Variants in CALN1 observed in about 807,000 individuals in gnomAD.
CALN1 encodes calneuron 1.
In CALN1, 17 loss-of-function variants were observed where a neutral mutation model predicts 30.6. That is an observed-to-expected ratio of 0.56 (90% CI 0.38 to 0.83). The LOEUF (loss-of-function observed/expected upper bound fraction) is 0.83. Ranked by LOEUF, CALN1 falls within the 40% of genes least tolerant of loss-of-function variation. The probability of loss-of-function intolerance (pLI) is 0.00; values close to 1 mark genes in which losing one functional copy is unlikely to be tolerated. For synonymous variants in CALN1, 156 were observed against 131.4 expected, an observed-to-expected ratio of 1.19 and a Z score of -1.28; for missense variants, 291 against 354.9, an observed-to-expected ratio of 0.82 and a Z score of 1.45.
At chr7:72,219,240 TAA>T (rs1157807472) in intron 3 of CALN1, among the ~76,000 whole-genome samples, 1 of 152,150 alleles carries the variant, frequency 6.6e-6, no homozygotes, top group African/African-American at 2.4e-5. Context: ...TTCATTTTCT[TAA>T]GAGACAAGGT....
chr7:72,149,195 G>A (rs1290746284), intron 3 of CALN1, among the ~76,000 whole-genome samples: 4 of 152,088 alleles, frequency 2.6e-5, no homozygotes, highest in South Asian at 2.1e-4. Context: ...GCCAGGCACA[G>A]CGGCTCGCAT....
At chr7:71,832,181 A>C (rs1362570126) in intron 5 of CALN1, among the ~76,000 whole-genome samples, 1 of 152,114 alleles carries the variant, frequency 6.6e-6, no homozygotes, top group Non-Finnish European at 1.5e-5. Context: ...GTAGGCTTTT[A>C]GGCTTCCCTC....
chr7:72,061,784 A>G (rs1233256868), intron 4 of CALN1, among the ~76,000 whole-genome samples: 2 of 138,948 alleles, frequency 1.4e-5, no homozygotes, highest in Admixed American at 7.5e-5. Context: ...GCGACAGAGC[A>G]AGACTCTGTC....
intron 1 of CALN1, among the ~76,000 whole-genome samples, chr7:72,425,097 G>A (rs1318070770): frequency 6.6e-6 from 1 of 152,052 alleles, no homozygotes; most frequent in South Asian, 2.1e-4. Context: ...AGAGGGGTAG[G>A]GTTTGTTTTT....
chr7:72,499,910 T>TTTCC, the CALN1 span, among the ~76,000 whole-genome samples: 1 of 53,206 alleles, frequency 1.9e-5, no homozygotes, highest in Non-Finnish European at 3.5e-5. Context: ...TCTTTCTTTC[T>TTTCC]TTCTATCTTT....
intron 6 of CALN1, among the ~76,000 whole-genome samples, chr7:71,795,162 C>T (rs893277591): frequency 6.6e-6 from 1 of 152,068 alleles, no homozygotes; most frequent in Non-Finnish European, 1.5e-5. Context: ...GAGGGGATTA[C>T]AGGCATACAC....
At chr7:72,294,428 G>C (rs1055189678) in intron 2 of CALN1, among the ~76,000 whole-genome samples, 5 of 152,056 alleles carry the variant, frequency 3.3e-5, no homozygotes, top group Non-Finnish European at 7.4e-5. Context: ...CCATATCATA[G>C]CACTGTAAAG....
At position 71,814,865 on chromosome 7, in the gene CALN1, G is replaced by A. The variant is rs935911620; in HGVS notation, c.502-4373C>T. Among the ~76,000 whole-genome samples, 210 of 144,316 alleles carry A rather than the reference G, an allele frequency of 1.5e-3. 3 individuals carry two copies. Among genetic ancestry groups the A allele is most frequent in the Non-Finnish European group, 3.0e-4 (20 of 66,900 alleles). The allele number at this position is 144,316 out of a possible 152,430, so 94.7% of individuals were successfully genotyped here. A position where few individuals can be genotyped will look rare whatever the true frequency, so the allele number is the denominator to read the frequency against. On this transcript the variant is annotated intron_variant, in intron 5 of 6. Transcript: ENST00000395275. The stretch of plus-strand genomic sequence containing the variant: ...TTTTTTTTTTTTGAGACAAAGTCTC[G>A]CTCTGTCCCCCACCCTGGAGTGCAG...
chr7:72,039,433 CT>C (rs1563000538), intron 4 of CALN1, among the ~76,000 whole-genome samples: 1 of 152,196 alleles, frequency 6.6e-6, no homozygotes, highest in East Asian at 1.9e-4. Flanking sequence ...GGTCCCATTG[CT>C]TTGTTATAAA....
At chr7:72,400,921 G>T (rs531308138) in intron 2 of CALN1, among the ~76,000 whole-genome samples, 1 of 152,094 alleles carries the variant, frequency 6.6e-6, no homozygotes. Context: ...GATGGAAGAT[G>T]AGACACATCA....
the CALN1 span, among the ~76,000 whole-genome samples, chr7:72,496,264 A>G: frequency 6.6e-6 from 1 of 152,056 alleles, no homozygotes; most frequent in South Asian, 2.1e-4. Context: ...TTATTTTTAC[A>G]CTTGTTAAGA....
chr7:72,405,172 G>C (rs532165264), intron 1 of CALN1, among the ~76,000 whole-genome samples: 2 of 152,284 alleles, frequency 1.3e-5, no homozygotes, highest in African/African-American at 4.8e-5. Flanking sequence ...CCCAAGGGTT[G>C]GGATCTCAAA....
chr7:72,130,032 G>T (rs1241819483), intron 3 of CALN1, among the ~76,000 whole-genome samples: 1 of 151,982 alleles, frequency 6.6e-6, no homozygotes, highest in Non-Finnish European at 1.5e-5. Flanking sequence ...CTCAACAGCT[G>T]GTTGTTAAAA....
intron 2 of CALN1, among the ~76,000 whole-genome samples, chr7:72,292,283 C>CT (rs1252980311): frequency 1.3e-5 from 2 of 151,848 alleles, no homozygotes; most frequent in Non-Finnish European, 2.9e-5. Flanking sequence ...TGAAGACCCT[C>CT]TTCCTGGTCT....
chr7:72,358,716 G>A (rs1007496784), intron 2 of CALN1, among the ~76,000 whole-genome samples: 4 of 152,004 alleles, frequency 2.6e-5, no homozygotes, highest in East Asian at 3.9e-4. Flanking sequence ...TTTGGGAGGC[G>A]GAGGCAAGCA....
chr7:72,503,697 C>T, the CALN1 span, among the ~76,000 whole-genome samples: 1 of 152,032 alleles, frequency 6.6e-6, no homozygotes, highest in Non-Finnish European at 1.5e-5. Context: ...GTCTGTTTTC[C>T]TAATCTATTA....
intron 4 of CALN1, among the ~76,000 whole-genome samples, chr7:72,037,629 G>C (rs1334667497): frequency 6.6e-6 from 1 of 152,134 alleles, no homozygotes; most frequent in Non-Finnish European, 1.5e-5. Context: ...CTGATATTTC[G>C]AGGACAGGAT....
intron 4 of CALN1, among the ~76,000 whole-genome samples, chr7:72,079,497 G>A (rs1201178099): frequency 1.3e-5 from 2 of 152,054 alleles, no homozygotes; most frequent in African/African-American, 2.4e-5. Context: ...AAGTTGGTAC[G>A]AGAGTAATTG....
At chr7:72,243,894 A>C (rs967324464) in intron 3 of CALN1, among the ~76,000 whole-genome samples, 1 of 152,138 alleles carries the variant, frequency 6.6e-6, no homozygotes, top group Admixed American at 6.5e-5. Context: ...ACATACTTCT[A>C]TTCCTTCTTT....
Sources: allele counts gnomAD v4.1 joint callset (sites outside exome capture counted in the v4.1 genomes callset), GRCh38; gene constraint gnomAD v4.1.1; transcripts MANE v1.5; gene names NCBI Gene and HGNC (gene_info 2026-07-23, HGNC 2026-07-21).